Variants in CHD4 observed in about 807,000 individuals in gnomAD.
CHD4 encodes ATP-dependent chromatin remodeler CHD4.
In CHD4, 35 loss-of-function variants were observed where a neutral mutation model predicts 235.5. The observed-to-expected ratio is 0.15, with a 90% CI of 0.11 to 0.20. The LOEUF (loss-of-function observed/expected upper bound fraction) is 0.20, where lower values mean the gene tolerates loss of function less well. Ranked by LOEUF, CHD4 falls within the 10% of genes least tolerant of loss-of-function variation. The probability of loss-of-function intolerance (pLI) is 1.00; values close to 1 mark genes in which losing one functional copy is unlikely to be tolerated. For synonymous variants in CHD4, 900 were observed against 850.2 expected, an observed-to-expected ratio of 1.06 and a Z score of -1.02; for missense variants, 1,329 against 2,432.3, an observed-to-expected ratio of 0.55 and a Z score of 9.54.
At chr12:6,573,408 C>CA in intron 37 of CHD4, 139 bp from the exon 38 acceptor site, 1 of 577,642 alleles carries the variant, frequency 1.7e-6, no homozygotes, top group Non-Finnish European at 2.7e-6. Flanking sequence ...CTCATTCCCA[C>CA]ACCCAAGTAG....
At chr12:6,605,011 C>G (rs1948666081) in intron 2 of CHD4, among the ~76,000 whole-genome samples, 1 of 152,200 alleles carries the variant, frequency 6.6e-6, no homozygotes, top group Non-Finnish European at 1.5e-5. Flanking sequence ...GCCCCCTACT[C>G]TACACAAGGA....
At chr12:6,585,032 A>C (rs932852673) in intron 25 of CHD4, among the ~76,000 whole-genome samples, 1 of 152,240 alleles carries the variant, frequency 6.6e-6, no homozygotes, top group South Asian at 2.1e-4. Flanking sequence ...AAACACAGCA[A>C]GGGGGATGGT....
Position 6,582,432 on chromosome 12 carries a change from C to T in CHD4, c.4371-151G>A, listed in dbSNP as rs975969884. On this transcript the variant is annotated intron_variant, in intron 29 of 39. Transcript: ENST00000544040. Reference sequence around the variant, plus strand: ...TGCACGGGAAGGCTGATCTCTAGACCCCACAAGAAGACCCAGGTTCTCTTC... The same window carrying T: ...TGCACGGGAAGGCTGATCTCTAGACTCCACAAGAAGACCCAGGTTCTCTTC... 10 of 1,313,264 alleles carry T rather than the reference C, an allele frequency of 7.6e-6. No homozygotes were observed. In the Admixed American group the frequency reaches 1.2e-4, roughly 15 times the overall value. The allele number at this position is 1,313,264 out of a possible 1,614,324, so 81.4% of individuals were successfully genotyped here. A position where few individuals can be genotyped will look rare whatever the true frequency, so the allele number is the denominator to read the frequency against.
intron 19 of CHD4, among the ~76,000 whole-genome samples, 157 bp downstream of exon 19, chr12:6,592,236 T>C (rs1037003229): frequency 1.3e-5 from 2 of 152,028 alleles, no homozygotes; most frequent in African/African-American, 2.4e-5. Flanking sequence ...CTAAAATAAG[T>C]AAGAACTATG....
chr12:6,582,238 C>T lies in CHD4; in HGVS notation c.4414G>A (p.Ala1472Thr), dbSNP rs1948206809. ...TCAGCAAAGGTCTCAGCCCCATCTG[C>T]CCCCGGCTCACATAAATGCCGCATG... ...LFMRHLCEPGADGAETFADGV... is the reference protein window; with the variant it reads ...LFMRHLCEPGTDGAETFADGV... The change falls in exon 30 of 40, where the codon GCA (alanine) becomes ACA (threonine). Residue 1472 changes from alanine (A) to threonine (T), a missense_variant. Physicochemically the swap from Ala to Thr is moderately conservative, Grantham distance 58. Transcript: ENST00000544040. The T allele has an allele frequency of 6.3e-7, 1 of 1,599,658 alleles. No homozygotes were observed. Among genetic ancestry groups the T allele is most frequent in the Non-Finnish European group, 8.5e-7 (1 of 1,174,038 alleles).
Position 6,591,758 on chromosome 12 carries a change from A to G in CHD4, c.3158T>C (p.Leu1053Ser), listed in dbSNP as rs1370403796. ...GTTCTTGAGCATTTTCTGCAGCAGC[A>G]ATAATTTCCCAGATGCTCTGATTAG... ...SALIRASGKL[L>S]LLQKMLKNLK... is the part of the protein sequence containing the mutation. The change falls in exon 21 of 40, where the codon TTG (leucine) becomes TCG (serine). Residue 1053 changes from leucine (L) to serine (S), a missense_variant. Leu to Ser is a moderately radical substitution (Grantham distance 145). Transcript: ENST00000544040. The G allele has an allele frequency of 6.2e-7, 1 of 1,614,238 alleles. No individual in the cohort carries two copies. Among genetic ancestry groups the G allele is most frequent in the South Asian group, 1.1e-5 (1 of 91,088 alleles).
intron 25 of CHD4, among the ~76,000 whole-genome samples, chr12:6,585,429 G>A (rs1015537130): frequency 3.3e-5 from 5 of 151,502 alleles, no homozygotes; most frequent in Non-Finnish European, 7.4e-5. Flanking sequence ...GACTACAGGC[G>A]CCCGCCACCA....
intron 14 of CHD4, among the ~76,000 whole-genome samples, chr12:6,594,952 T>G (rs757529523): frequency 1.3e-5 from 2 of 152,180 alleles, no homozygotes; most frequent in Non-Finnish European, 1.5e-5. Context: ...AATCGTTATG[T>G]CCCTCTTAGA....
At chr12:6,600,134 A>G in intron 9 of CHD4, 83 bp downstream of exon 9, 1 of 1,578,660 alleles carries the variant, frequency 6.3e-7, no homozygotes, top group Non-Finnish European at 8.6e-7. Flanking sequence ...CAGCATTTCC[A>G]TTTCCATCCA....
Position 6,601,772 on chromosome 12 carries a change from G to C in CHD4, c.439-6C>G, listed in dbSNP as rs148705976. 6.4e-5 allele frequency: 104 copies of C among 1,612,810 alleles called. No homozygotes were observed. In the Middle Eastern group the frequency reaches 8.2e-4, roughly 13 times the overall value. ...TGAGCAGATGATTTAGGCTCCTGCA[G>C]AAAGAGCAAAGTCAAGTAAGTACCT... On this transcript the variant is annotated splice_polypyrimidine_tract_variant and splice_region_variant and intron_variant, in intron 4 of 39. Coordinates refer to ENST00000544040, the MANE Select transcript of CHD4 (RefSeq NM_001273.5).
intron 37 of CHD4, among the ~76,000 whole-genome samples, chr12:6,577,562 T>C (rs1041347596): frequency 6.6e-6 from 1 of 152,184 alleles, no homozygotes; most frequent in African/African-American, 2.4e-5. Context: ...TGCACTAGTG[T>C]GTCACTGATT....
intron 3 of CHD4, 72 bp from the exon 4 acceptor site, chr12:6,602,247 C>T: frequency 1.3e-6 from 2 of 1,595,026 alleles, no homozygotes; most frequent in Non-Finnish European, 1.7e-6. Flanking sequence ...TCAGGACAGC[C>T]CTGAGGCTCA....
At chr12:6,575,493 T>TG (rs1948055220) in intron 37 of CHD4, among the ~76,000 whole-genome samples, 1 of 151,838 alleles carries the variant, frequency 6.6e-6, no homozygotes. Context: ...GTTTTTGGTT[T>TG]GGGGGGAGAA....
rs1212836850 is a variant in CHD4, at chr12:6,573,220, T to C, written c.5411A>G (p.Tyr1804Cys). The C allele has an allele frequency of 3.1e-6, 5 of 1,595,556 alleles. No homozygotes were observed. Among genetic ancestry groups the C allele is most frequent in the Non-Finnish European group, 4.3e-6 (5 of 1,173,874 alleles). The change falls in exon 38 of 40, where the codon TAC becomes TGC. Residue 1804 changes from tyrosine to cysteine, a missense_variant. Tyr to Cys is a radical substitution (Grantham distance 194). This residue lies in a region of CHD4 where 135 missense variants were observed against 282.3 expected (regional missense o/e 0.48). Coordinates refer to ENST00000544040, the MANE Select transcript of CHD4 (RefSeq NM_001273.5). ...VIEEQLRRAA[Y>C]LNMSEDPSHP... is the part of the protein sequence containing the mutation. ...AGAAGGGTCTTCTGACATGTTCAAG[T>C]AAGCAGCCCGGCGCAGCTGTTCCTC...
At chr12:6,582,421 G>C in intron 29 of CHD4, 140 bp from the exon 30 acceptor site, 3 of 1,309,764 alleles carry the variant, frequency 2.3e-6, no homozygotes, top group Non-Finnish European at 2.1e-6. Context: ...CGGGAAGGCT[G>C]ATCTCTAGAC....
At chr12:6,600,440 C>CT (rs1948568504) in intron 8 of CHD4, 45 bp from the exon 9 acceptor site, 1 of 1,609,318 alleles carries the variant, frequency 6.2e-7, no homozygotes. Flanking sequence ...AAAAAACTAC[C>CT]TCCCCCCACC....
intron 37 of CHD4, among the ~76,000 whole-genome samples, chr12:6,576,191 T>A (rs918670916): frequency 2.0e-5 from 3 of 152,088 alleles, no homozygotes; most frequent in Non-Finnish European, 4.4e-5. Context: ...ACCCTGTCTC[T>A]ACTAAAAATA....
At position 6,592,305 on chromosome 12, in the gene CHD4, C is replaced by T; in HGVS notation, c.2948+88G>A. 2.0e-6 allele frequency: 3 copies of T among 1,482,744 alleles called. No individual in the cohort carries two copies. In the South Asian group the frequency reaches 4.1e-5, roughly 20 times the overall value. 91.8% of individuals were successfully genotyped at this position (1,482,744 alleles called of 1,614,324 possible). On this transcript the variant is annotated intron_variant, in intron 19 of 39. Transcript: ENST00000544040. ...CCTTGCTTGCTCCTGTCACCAGATG[C>T]CTTGAAGCTGAGTGGGGGAGGAATA...
chr12:6,598,464 C>A, intron 10 of CHD4, 39 bp from the exon 11 acceptor site: 1 of 1,506,366 alleles, frequency 6.6e-7, no homozygotes. Flanking sequence ...AAATCATAAC[C>A]ATGGGAGGAG....
Sources: gnomAD v4.1 joint callset for allele counts (sites outside exome capture counted in the v4.1 genomes callset) on GRCh38, gnomAD v4.1.1 for gene constraint, gnomAD v4.1.1 regional missense constraint, MANE v1.5 for transcripts, NCBI Gene and HGNC (gene_info 2026-07-23, HGNC 2026-07-21) for gene names.